DNAAF9: variants seen among roughly 807,000 people sequenced by gnomAD.
The protein encoded by DNAAF9 is shulin.
A neutral mutation model predicts 167.0 loss-of-function variants in DNAAF9; 90 were observed. The ratio of observed to expected loss-of-function variants is 0.54; its 90% CI spans 0.45 to 0.64. The LOEUF (loss-of-function observed/expected upper bound fraction) is 0.64. Ranked by LOEUF, DNAAF9 falls within the 30% of genes least tolerant of loss-of-function variation. The probability of loss-of-function intolerance (pLI) is 0.00; values close to 1 mark genes in which losing one functional copy is unlikely to be tolerated. For missense variants in DNAAF9, 1,315 were observed against 1,442.2 expected (o/e 0.91, Z 1.43); for synonymous variants, 491 against 508.8 (o/e 0.96, Z 0.47).
intron 20 of DNAAF9, among the ~76,000 whole-genome samples, chr20:3,309,566 G>A (rs188415226): frequency 1.3e-3 from 205 of 152,302 alleles, no homozygotes; most frequent in African/African-American, 4.4e-3. Flanking sequence ...TGGCACTGCC[G>A]ATCAGTGGGA....
intron 8 of DNAAF9, 117 bp from the exon 9 acceptor site, chr20:3,343,848 T>TGTGTGTGTGTGC: frequency 1.5e-6 from 1 of 682,702 alleles, no homozygotes; most frequent in Non-Finnish European, 2.6e-6. Context: ...AGCGTGTGTG[T>TGTGTGTGTGTGC]GTGTGTGTGT....
chr20:3,274,934 G>A (rs2068653630), intron 29 of DNAAF9, among the ~76,000 whole-genome samples: 2 of 152,226 alleles, frequency 1.3e-5, no homozygotes, highest in Non-Finnish European at 2.9e-5. Context: ...AGGACCCCTG[G>A]TCCCCTGCCT....
intron 3 of DNAAF9, among the ~76,000 whole-genome samples, chr20:3,378,829 A>ATTATATTGACTGTAGAG (rs1261549825): frequency 1.6e-4 from 25 of 151,978 alleles, no homozygotes; most frequent in Non-Finnish European, 2.1e-4. Flanking sequence ...CTCCTGAAAT[A>ATTATATTGACTGTAGAG]AAACTCCATG....
Position 3,367,114 on chromosome 20 carries a change from T to C in DNAAF9, c.612+6934A>G, listed in dbSNP as rs2083441749. ...TTCTACATCAGCACTTACTGCTTCATCTTGCACTTTTATGTTTTAGAGACA... is the reference window on the plus strand; with the variant it reads ...TTCTACATCAGCACTTACTGCTTCACCTTGCACTTTTATGTTTTAGAGACA... On this transcript the variant is annotated intron_variant, in intron 6 of 36. Coordinates refer to ENST00000252032, the MANE Select transcript of DNAAF9 (RefSeq NM_001009984.3). 2.0e-5 allele frequency among the ~76,000 whole-genome samples: 3 copies of C among 152,234 alleles called. No individual in the cohort carries two copies. The South Asian group carries it at 6.2e-4, about 31-fold the overall frequency.
At chr20:3,387,884 TAAA>T (rs557861791) in intron 1 of DNAAF9, among the ~76,000 whole-genome samples, 1,998 of 87,094 alleles carry the variant, frequency 0.023, 19 homozygotes, top group African/African-American at 0.042. Context: ...CTACAAAAAG[TAAA>T]AAAAAAAAAA....
At chr20:3,297,911 CCCT>C (rs2069109986) in intron 22 of DNAAF9, 115 bp downstream of exon 22, 1 of 793,312 alleles carries the variant, frequency 1.3e-6, no homozygotes, top group Non-Finnish European at 2.2e-6. Flanking sequence ...CACCATCCAG[CCCT>C]CCTAACTCTC....
chr20:3,313,664 G>A (rs538235396), intron 20 of DNAAF9, among the ~76,000 whole-genome samples: 2 of 152,312 alleles, frequency 1.3e-5, no homozygotes, highest in Admixed American at 1.3e-4. Context: ...TTTCATATGA[G>A]CAGAAACACT....
intron 7 of DNAAF9, among the ~76,000 whole-genome samples, chr20:3,354,585 A>T (rs2083260322): frequency 6.6e-6 from 1 of 152,236 alleles, no homozygotes; most frequent in South Asian, 2.1e-4. Flanking sequence ...CTCAAAATTC[A>T]GCAGAGGACT....
intron 29 of DNAAF9, among the ~76,000 whole-genome samples, chr20:3,278,103 C>A (rs1013608821): frequency 4.6e-5 from 7 of 152,172 alleles, no homozygotes; most frequent in Non-Finnish European, 8.8e-5. Flanking sequence ...CCAAACATCA[C>A]AGATAATATG....
chr20:3,298,425 C>T (rs978523209), intron 21 of DNAAF9, among the ~76,000 whole-genome samples: 1 of 152,118 alleles, frequency 6.6e-6, no homozygotes, highest in African/African-American at 2.4e-5. Flanking sequence ...TCAAGTGATC[C>T]TTCTACCTCA....
chr20:3,255,148 A>G, intron 35 of DNAAF9, 71 bp downstream of exon 35: 1 of 947,944 alleles, frequency 1.1e-6, no homozygotes, highest in South Asian at 1.4e-5. Flanking sequence ...CAGAGAATCC[A>G]AAATACAGAG....
At chr20:3,292,765 CAAAAAAGAA>C (rs1055187148) in intron 25 of DNAAF9, among the ~76,000 whole-genome samples, 1 of 132,756 alleles carries the variant, frequency 7.5e-6, no homozygotes, top group Non-Finnish European at 1.6e-5. Flanking sequence ...GACTCCATTT[CAAAAAAGAA>C]AAAAAAAAAA....
At chr20:3,394,735 G>A (rs1322411835) in intron 1 of DNAAF9, among the ~76,000 whole-genome samples, 1 of 151,970 alleles carries the variant, frequency 6.6e-6, no homozygotes, top group Non-Finnish European at 1.5e-5. Context: ...TTGCTAAACT[G>A]TCGTATATAG....
intron 10 of DNAAF9, among the ~76,000 whole-genome samples, chr20:3,339,897 A>C (rs1286007293): frequency 6.6e-6 from 1 of 152,232 alleles, no homozygotes; most frequent in Non-Finnish European, 1.5e-5. Flanking sequence ...CTCAAAAAAT[A>C]AACAAACAAA....
chr20:3,336,615 C>CCTTG (rs2069956392), intron 10 of DNAAF9, among the ~76,000 whole-genome samples: 1 of 152,008 alleles, frequency 6.6e-6, no homozygotes, highest in South Asian at 2.1e-4. Flanking sequence ...AATGGTGCAA[C>CCTTG]CTTGGCTCAC....
At chr20:3,261,796 T>C (rs1281912267) in intron 31 of DNAAF9, among the ~76,000 whole-genome samples, 1 of 151,414 alleles carries the variant, frequency 6.6e-6, no homozygotes, top group African/African-American at 2.4e-5. Context: ...CTTCTCCCCA[T>C]CCAAACAAGT....
intron 6 of DNAAF9, among the ~76,000 whole-genome samples, chr20:3,369,259 T>C (rs1166211326): frequency 6.6e-6 from 1 of 152,208 alleles, no homozygotes; most frequent in African/African-American, 2.4e-5. Flanking sequence ...CTCTTTATGA[T>C]TGGGAATGTT....
At chr20:3,270,349 A>G (rs2068571368) in intron 30 of DNAAF9, 78 bp downstream of exon 30, 1 of 1,372,614 alleles carries the variant, frequency 7.3e-7, no homozygotes, top group African/African-American at 1.4e-5. Context: ...TAGATACAGT[A>G]GAAAGACTCT....
chr20:3,350,136 CACAGACACACAGACACACAG>C (rs1245176832), intron 7 of DNAAF9, among the ~76,000 whole-genome samples: 2,042 of 138,622 alleles, frequency 0.015, 40 homozygotes, highest in African/African-American at 0.047. Flanking sequence ...CACACAGACA[CACAGACACACAGACACACAG>C]ACACACACAC....
Sources: allele counts gnomAD v4.1 joint callset (sites outside exome capture counted in the v4.1 genomes callset), GRCh38; gene constraint gnomAD v4.1.1; transcripts MANE v1.5; gene names NCBI Gene and HGNC (gene_info 2026-07-23, HGNC 2026-07-21).